Variants in ZNF385D observed in about 807,000 individuals in gnomAD.
ZNF385D encodes zinc finger protein 659.
Under a neutral mutation model 35.8 loss-of-function variants are expected in ZNF385D, and 15 were observed. The ratio of observed to expected loss-of-function variants is 0.42; its 90% CI spans 0.28 to 0.64. ZNF385D has a LOEUF of 0.64. ZNF385D is among the 30% of genes least tolerant of loss of function. The pLI, the probability that ZNF385D is intolerant of heterozygous loss-of-function variation, is 0.23. For missense variants in ZNF385D, 474 were observed against 494.6 expected (o/e 0.96, Z 0.39); for synonymous variants, 212 against 186.8 (o/e 1.13, Z -1.10).
intron 3 of ZNF385D, among the ~76,000 whole-genome samples, chr3:22,065,624 T>C (rs530107393): frequency 1.3e-5 from 2 of 152,222 alleles, no homozygotes; most frequent in East Asian, 1.9e-4. Flanking sequence ...GGACTGAGTG[T>C]GTGGAGCTCG....
chr3:21,821,797 C>A (rs1694249232), intron 3 of ZNF385D, among the ~76,000 whole-genome samples: 1 of 151,810 alleles, frequency 6.6e-6, no homozygotes, highest in Admixed American at 6.6e-5. Context: ...CCCATCTCTA[C>A]AAAATTTTTT....
Position 22,257,592 on chromosome 3 carries a change from C to T in ZNF385D, c.107-88557G>A, listed in dbSNP as rs904962374. 7.9e-5 allele frequency among the ~76,000 whole-genome samples: 12 copies of T among 151,782 alleles called. 1 individual carries two copies. Among genetic ancestry groups the T allele is most frequent in the African/African-American group, 2.9e-4 (12 of 41,394 alleles). ...CAATCTATATATTTTAAGAAGTTTA[C>T]ATCTATTGTGGATGAAGGAAAATAA... is the stretch of plus-strand genomic sequence containing the variant. On this transcript the variant is annotated intron_variant, in intron 2 of 5. Transcript: ENST00000494108.
chr3:21,505,725 T>C (rs1031292173), intron 4 of ZNF385D, among the ~76,000 whole-genome samples: 1 of 152,140 alleles, frequency 6.6e-6, no homozygotes, highest in Non-Finnish European at 1.5e-5. Flanking sequence ...GCTGCATATG[T>C]AAGTGCCTTC....
chr3:21,717,327 C>A (rs897772721), intron 1 of ZNF385D, among the ~76,000 whole-genome samples: 1 of 152,128 alleles, frequency 6.6e-6, no homozygotes, highest in Non-Finnish European at 1.5e-5. Flanking sequence ...AAGGTATGCA[C>A]AGGAGGATAT....
chr3:22,310,779 C>G (rs1028136456), intron 2 of ZNF385D, among the ~76,000 whole-genome samples: 1 of 151,558 alleles, frequency 6.6e-6, no homozygotes, highest in Non-Finnish European at 1.5e-5. Context: ...TGATAAGCTT[C>G]GACAGCTTTA....
intron 2 of ZNF385D, among the ~76,000 whole-genome samples, chr3:22,169,817 C>T (rs1371265387): frequency 6.6e-6 from 1 of 152,104 alleles, no homozygotes; most frequent in Non-Finnish European, 1.5e-5. Flanking sequence ...TTATTTGAGA[C>T]AGGGTTTCAC....
chr3:22,275,701 C>T (rs1211221943), intron 2 of ZNF385D, among the ~76,000 whole-genome samples: 1 of 152,102 alleles, frequency 6.6e-6, no homozygotes, highest in African/African-American at 2.4e-5. Flanking sequence ...AAAGCCATAT[C>T]CTTATATCTG....
chr3:22,010,011 C>T (rs1233399521), intron 3 of ZNF385D, among the ~76,000 whole-genome samples: 3 of 151,760 alleles, frequency 2.0e-5, no homozygotes, highest in East Asian at 3.9e-4. Flanking sequence ...TTGAGGAAAA[C>T]AGGTAAACAC....
At chr3:21,936,100 G>C (rs1371983552) in intron 3 of ZNF385D, among the ~76,000 whole-genome samples, 1 of 152,036 alleles carries the variant, frequency 6.6e-6, no homozygotes, top group Non-Finnish European at 1.5e-5. Context: ...ACAGCTAACT[G>C]GGATGAGGAG....
rs183374627 is a variant in ZNF385D at position 22,326,070 on chromosome 3, C to T, written c.106+46380G>A. ...CAATTCCCGAATGTTTTCCTTTCCC[C>T]TCTCTCTTCCACTTTTCCCTTCCAG... On this transcript the variant is annotated intron_variant, in intron 2 of 5. Transcript: ENST00000494108. 3.3e-5 allele frequency among the ~76,000 whole-genome samples: 5 copies of T among 152,266 alleles called. No individual in the cohort carries two copies. In the East Asian group the frequency reaches 7.7e-4, roughly 24 times the overall value.
At chr3:21,805,684 T>G (rs954594519) in intron 3 of ZNF385D, among the ~76,000 whole-genome samples, 1 of 152,210 alleles carries the variant, frequency 6.6e-6, no homozygotes, top group Non-Finnish European at 1.5e-5. Flanking sequence ...CCTGTCCTAA[T>G]TTTCCTCAGA....
At chr3:22,363,384 T>G (rs1327856708) in intron 2 of ZNF385D, among the ~76,000 whole-genome samples, 1 of 152,186 alleles carries the variant, frequency 6.6e-6, no homozygotes, top group African/African-American at 2.4e-5. Context: ...GGGCATTGTC[T>G]AAGAGGTATG....
chr3:22,307,627 A>T (rs1364225968), intron 2 of ZNF385D, among the ~76,000 whole-genome samples: 1 of 152,094 alleles, frequency 6.6e-6, no homozygotes, highest in Non-Finnish European at 1.5e-5. Context: ...TCAGCTACTC[A>T]TAGATTAGGA....
intron 3 of ZNF385D, among the ~76,000 whole-genome samples, chr3:22,165,970 A>G (rs2125751013): frequency 6.6e-6 from 1 of 152,334 alleles, no homozygotes; most frequent in East Asian, 1.9e-4. Flanking sequence ...GATTAAGGCC[A>G]AATTCATCAT....
chr3:21,619,493 T>A (rs889184685), intron 2 of ZNF385D, among the ~76,000 whole-genome samples: 1 of 152,078 alleles, frequency 6.6e-6, no homozygotes, highest in African/African-American at 2.4e-5. Flanking sequence ...GGTATGTCTG[T>A]AGTCTTTACT....
intron 2 of ZNF385D, among the ~76,000 whole-genome samples, chr3:22,332,749 A>C (rs558548277): frequency 1.3e-5 from 2 of 152,274 alleles, no homozygotes; most frequent in African/African-American, 4.8e-5. Flanking sequence ...AATGAGAAAA[A>C]CCATTATCCT....
intron 1 of ZNF385D, among the ~76,000 whole-genome samples, chr3:21,737,391 G>A (rs1050782891): frequency 1.3e-5 from 2 of 151,754 alleles, no homozygotes; most frequent in African/African-American, 4.8e-5. Context: ...ATCAGTATAC[G>A]ATACATAAAA....
chr3:22,305,911 A>G (rs1029685584), intron 2 of ZNF385D, among the ~76,000 whole-genome samples: 1 of 152,190 alleles, frequency 6.6e-6, no homozygotes, highest in African/African-American at 2.4e-5. Flanking sequence ...GTTTCTAAAT[A>G]TTCTGTGTAG....
At chr3:22,343,701 C>T (rs1013024516) in intron 2 of ZNF385D, among the ~76,000 whole-genome samples, 10 of 152,188 alleles carry the variant, frequency 6.6e-5, no homozygotes, top group African/African-American at 2.4e-4. Flanking sequence ...AATTTCCATC[C>T]TGATTAAGCC....
Sources: gnomAD v4.1 joint callset for allele counts (sites outside exome capture counted in the v4.1 genomes callset) on GRCh38, gnomAD v4.1.1 for gene constraint, MANE v1.5 for transcripts, NCBI Gene and HGNC (gene_info 2026-07-23, HGNC 2026-07-21) for gene names.